TM7SF3: variants seen among roughly 807,000 people sequenced by gnomAD.
The protein encoded by TM7SF3 is transmembrane 7 superfamily member 3.
TM7SF3 carries 60 observed loss-of-function variants against 65.5 expected under a neutral mutation model. That is an observed-to-expected ratio of 0.92 (90% CI 0.74 to 1.14). The LOEUF is 1.14. Among genes scored for constraint, TM7SF3 ranks in the 50% most tolerant of loss-of-function variants. The probability of loss-of-function intolerance (pLI) is 0.00; values close to 1 mark genes in which losing one functional copy is unlikely to be tolerated. For missense variants in TM7SF3, 623 were observed against 684.8 expected (o/e 0.91, Z 1.01); for synonymous variants, 264 against 259.6 (o/e 1.02, Z -0.16).
chr12:27,009,270 A>G (rs185981546), intron 1 of TM7SF3, among the ~76,000 whole-genome samples: 1,853 of 152,304 alleles, frequency 0.012, 18 homozygotes, highest in Non-Finnish European at 0.018. Context: ...CAGCCTGTCA[A>G]TATCCACACA....
At chr12:26,984,187 T>C (rs1425494557) in intron 6 of TM7SF3, among the ~76,000 whole-genome samples, 2 of 152,158 alleles carry the variant, frequency 1.3e-5, no homozygotes, top group Non-Finnish European at 2.9e-5. Context: ...CCCAGCACTT[T>C]GGGAGGCCGA....
intron 5 of TM7SF3, among the ~76,000 whole-genome samples, chr12:26,994,414 T>C (rs1735368462): frequency 6.6e-6 from 1 of 152,246 alleles, no homozygotes; most frequent in South Asian, 2.1e-4. Flanking sequence ...CAGCACCATC[T>C]GGGCTCATTG....
intron 5 of TM7SF3, among the ~76,000 whole-genome samples, chr12:26,991,333 T>C (rs1416349913): frequency 6.6e-6 from 1 of 151,016 alleles, no homozygotes; most frequent in Non-Finnish European, 1.5e-5. Context: ...TTTGTATTTT[T>C]AGTAGAGACG....
At chr12:27,002,299 C>CAA (rs34528941) in intron 2 of TM7SF3, among the ~76,000 whole-genome samples, 20 of 148,640 alleles carry the variant, frequency 1.3e-4, no homozygotes, top group East Asian at 9.8e-4. Context: ...CCCATCTCTA[C>CAA]AAAAAAAAAA....
chr12:27,004,646 G>A (rs1315337167), intron 1 of TM7SF3, among the ~76,000 whole-genome samples: 1 of 151,724 alleles, frequency 6.6e-6, no homozygotes, highest in Non-Finnish European at 1.5e-5. Flanking sequence ...AGAATGAGTA[G>A]CCTGTGGAAG....
intron 2 of TM7SF3, among the ~76,000 whole-genome samples, chr12:27,000,755 G>A (rs571838389): frequency 2.0e-5 from 3 of 152,076 alleles, no homozygotes; most frequent in South Asian, 2.1e-4. Context: ...CACCGTGCCC[G>A]GCCCATAAAG....
chr12:27,003,291 A>G lies in TM7SF3; in HGVS notation c.191T>C (p.Phe64Ser). The G allele has an allele frequency of 1.2e-6, 2 of 1,613,560 alleles. No individual in the cohort carries two copies. Among genetic ancestry groups the G allele is most frequent in the Middle Eastern group, 1.7e-4 (1 of 6,056 alleles). Reference protein sequence around the residue: ...ILHDISSNVTFLIFQIHSQYQ... With the variant: ...ILHDISSNVTSLIFQIHSQYQ... The stretch of plus-strand genomic sequence containing the variant: ...CTGTGAGTGTATTTGGAAAATAAGA[A>G]AAGTCACATTGCTTGAAATATCATG... The change falls in exon 2 of 12, where the codon TTT (phenylalanine) becomes TCT (serine). Residue 64 changes from phenylalanine (F) to serine (S), a missense_variant. Phe to Ser is a radical substitution (Grantham distance 155). Coordinates refer to ENST00000343028, the MANE Select transcript of TM7SF3 (RefSeq NM_016551.3).
intron 5 of TM7SF3, 74 bp downstream of exon 5, chr12:26,995,163 G>A: frequency 1.4e-6 from 2 of 1,425,604 alleles, no homozygotes; most frequent in Admixed American, 4.3e-5. Flanking sequence ...ATAAGATCCT[G>A]GTAGCTTCTC....
At chr12:27,009,297 C>T (rs912636411) in intron 1 of TM7SF3, among the ~76,000 whole-genome samples, 3 of 152,102 alleles carry the variant, frequency 2.0e-5, no homozygotes, top group African/African-American at 7.2e-5. Flanking sequence ...AAAAAACCTG[C>T]TGGGATTTTG....
intron 3 of TM7SF3, among the ~76,000 whole-genome samples, chr12:26,998,032 G>C (rs1287165145): frequency 6.6e-6 from 1 of 151,968 alleles, no homozygotes; most frequent in African/African-American, 2.4e-5. Flanking sequence ...CGCCATGTTG[G>C]CCAGGCTAGT....
At chr12:26,976,479 G>T (rs927203125) in intron 9 of TM7SF3, 122 bp from the exon 10 acceptor site, 2 of 650,156 alleles carry the variant, frequency 3.1e-6, no homozygotes, top group Non-Finnish European at 5.4e-6. Flanking sequence ...GAATATGTTG[G>T]CAACTAGAAA....
intron 2 of TM7SF3, 75 bp downstream of exon 2, chr12:27,003,161 T>C (rs1156787589): frequency 5.8e-6 from 6 of 1,038,098 alleles, no homozygotes; most frequent in African/African-American, 1.6e-5. Context: ...AGATATCAAA[T>C]TCTAATGCTC....
intron 6 of TM7SF3, among the ~76,000 whole-genome samples, chr12:26,984,876 A>C (rs1370779175): frequency 6.6e-6 from 1 of 152,226 alleles, no homozygotes. Context: ...TGAAGGTTAA[A>C]GTGTCTTTAA....
rs373771869 is a variant in TM7SF3, at chr12:26,997,379, C to T, written c.398-517G>A. On this transcript the variant is annotated intron_variant, in intron 3 of 11. Coordinates refer to ENST00000343028, the MANE Select transcript of TM7SF3 (RefSeq NM_016551.3). ...ATATGTTTCAATATCATGTTGGAAT[C>T]TTCCTCCAAATTCTATGCTCTTCTT... 3.3e-5 allele frequency among the ~76,000 whole-genome samples: 5 copies of T among 152,252 alleles called. 1 individual carries two copies. Among genetic ancestry groups the T allele is most frequent in the African/African-American group, 1.2e-4 (5 of 41,552 alleles).
In TM7SF3 at chr12:26,974,010, G is replaced by A. The variant is rs759168174; in HGVS notation, c.1668C>T (p.Phe556=). ...TCTCTCCAGCTGGCTGCTCCTTCTG[G>A]AAGAGCCCTTTAATCTGGGTTAATC... ...YGRLTQIKGL[F]QKEQPAGERT... Residue 556 remains phenylalanine (F), a synonymous_variant, in exon 12 of 12, where the codon TTC becomes TTT. Transcript: ENST00000343028. 5.6e-6 allele frequency: 9 copies of A among 1,614,162 alleles called. No individual in the cohort carries two copies. In the East Asian group the frequency reaches 1.6e-4, roughly 28 times the overall value.
chr12:26,977,571 T>C lies in TM7SF3; in HGVS notation c.1190-1214A>G, dbSNP rs1485808825. Among the ~76,000 whole-genome samples, 4 of 150,638 alleles carry C rather than the reference T, an allele frequency of 2.7e-5. No homozygotes were observed. In the East Asian group the frequency reaches 8.0e-4, roughly 30 times the overall value. On this transcript the variant is annotated intron_variant, in intron 9 of 11. Transcript: ENST00000343028. Reference sequence around the variant, plus strand: ...GAGTTTGAGACCAGCCTGGCCAATATGGAGAAACCCCATCTCTACTAAAAA... The same window carrying C: ...GAGTTTGAGACCAGCCTGGCCAATACGGAGAAACCCCATCTCTACTAAAAA...
chr12:27,010,355 G>C (rs1351845279), intron 1 of TM7SF3, among the ~76,000 whole-genome samples: 1 of 152,200 alleles, frequency 6.6e-6, no homozygotes, highest in East Asian at 1.9e-4. Flanking sequence ...GGGAAGAAAG[G>C]AACTAACATG....
At position 27,003,401 on chromosome 12, in the gene TM7SF3, A is replaced by C; in HGVS notation, c.92-11T>G. On this transcript the variant is annotated splice_polypyrimidine_tract_variant and intron_variant, in intron 1 of 11. Transcript: ENST00000343028. ...AAAATTCAATAAGACCTACAACGAG[A>C]TAAACTTTTCATTACAACACTTGTA... 4 of 1,602,892 alleles carry C rather than the reference A, an allele frequency of 2.5e-6. No homozygotes were observed. The highest frequency in any genetic ancestry group is 3.4e-6 in the Non-Finnish European group (4 of 1,176,468).
chr12:27,007,453 C>T (rs1459673057), intron 1 of TM7SF3, among the ~76,000 whole-genome samples: 1 of 151,546 alleles, frequency 6.6e-6, no homozygotes, highest in Non-Finnish European at 1.5e-5. Flanking sequence ...TCTATAGTGA[C>T]CATAAGGTGT....
Sources: gnomAD v4.1 joint callset for allele counts (sites outside exome capture counted in the v4.1 genomes callset) on GRCh38, gnomAD v4.1.1 for gene constraint, MANE v1.5 for transcripts, NCBI Gene and HGNC (gene_info 2026-07-23, HGNC 2026-07-21) for gene names.